The following TCF7L2 variants were observed in gnomAD, a reference collection of about 807,000 sequenced individuals.
The protein encoded by TCF7L2 is transcription factor 7-like 2.
A neutral mutation model predicts 77.9 loss-of-function variants in TCF7L2; 23 were observed. The observed-to-expected ratio is 0.30, with a 90% CI of 0.21 to 0.42. TCF7L2 has a LOEUF of 0.42. Ranked by LOEUF, TCF7L2 falls within the 10% of genes least tolerant of loss-of-function variation. The pLI is 1.00. For synonymous variants in TCF7L2, 413 were observed against 340.2 expected, an observed-to-expected ratio of 1.21 and a Z score of -2.36; for missense variants, 654 against 793.1, an observed-to-expected ratio of 0.82 and a Z score of 2.11.
rs9663295 is a variant in TCF7L2, at chr10:113,144,100, C to G, written c.788+75C>G. 3,913 of 652,860 alleles carry G rather than the reference C, an allele frequency of 6.0e-3. 70 individuals carry two copies. Among genetic ancestry groups the G allele is most frequent in the African/African-American group, 0.035 (1,776 of 50,392 alleles). 40.4% of individuals were successfully genotyped at this position (652,860 alleles called of 1,614,324 possible). On this transcript the variant is annotated intron_variant, in intron 7 of 13. Transcript: ENST00000627217. ...TTTATTATTTATTCTGTGTGTGTGT[C>G]TGTGTGTGTGTGTGTGTGTGTGTGT...
chr10:113,160,530 A>T, intron 12 of TCF7L2: 1 of 1,214,276 alleles, frequency 8.2e-7, no homozygotes, highest in Non-Finnish European at 1.1e-6. Context: ...GTGATAGAGA[A>T]GAAAAGGAAG....
At chr10:112,979,155 G>A (rs1016029078) in intron 4 of TCF7L2, among the ~76,000 whole-genome samples, 20 of 152,018 alleles carry the variant, frequency 1.3e-4, no homozygotes, top group African/African-American at 4.4e-4. Context: ...TGGAGACTTC[G>A]CCTGTTGAAA....
intron 4 of TCF7L2, among the ~76,000 whole-genome samples, chr10:112,971,166 A>C (rs2038158997): frequency 6.6e-6 from 1 of 152,230 alleles, no homozygotes; most frequent in South Asian, 2.1e-4. Context: ...CCTTGCTCTC[A>C]CCAAGCTTAA....
chr10:113,141,040 G>A, intron 5 of TCF7L2, 144 bp from the exon 6 acceptor site: 3 of 919,092 alleles, frequency 3.3e-6, no homozygotes, highest in Non-Finnish European at 5.0e-6. Flanking sequence ...GGACTGGGGG[G>A]AGTATGGGAT....
chr10:113,039,587 A>T (rs1192076502), intron 4 of TCF7L2, among the ~76,000 whole-genome samples: 1 of 152,112 alleles, frequency 6.6e-6, no homozygotes, highest in African/African-American at 2.4e-5. Context: ...TGAAAAACGG[A>T]GGTTGAAAAG....
chr10:113,079,457 C>A (rs2059089420), intron 5 of TCF7L2, among the ~76,000 whole-genome samples: 1 of 152,128 alleles, frequency 6.6e-6, no homozygotes. Flanking sequence ...CCCTTAAGTA[C>A]TTTCAGAAGA....
Position 113,062,075 on chromosome 10 carries a change from G to A in TCF7L2, c.552+21949G>A, listed in dbSNP as rs1000594381. On this transcript the variant is annotated intron_variant, in intron 5 of 13. Coordinates refer to ENST00000627217, the MANE Select transcript of TCF7L2 (RefSeq NM_001146274.2). ...GAGGGTGTAGAGAGCAAAAGTGTGA[G>A]TTGTACACCATGACTGGAATCGCTT... is the stretch of plus-strand genomic sequence containing the variant. 2.6e-5 allele frequency among the ~76,000 whole-genome samples: 4 copies of A among 152,292 alleles called. No homozygotes were observed. In the East Asian group the frequency reaches 7.7e-4, roughly 29 times the overall value.
At chr10:113,014,972 G>A (rs1466601201) in intron 4 of TCF7L2, among the ~76,000 whole-genome samples, 2 of 152,074 alleles carry the variant, frequency 1.3e-5, no homozygotes, top group Non-Finnish European at 2.9e-5. Flanking sequence ...TGGTCACTTA[G>A]GCCAGGAGTT....
intron 7 of TCF7L2, among the ~76,000 whole-genome samples, chr10:113,145,471 C>T (rs1050032999): frequency 6.6e-6 from 1 of 152,094 alleles, no homozygotes; most frequent in African/African-American, 2.4e-5. Context: ...TGGTTACCCA[C>T]AATTCTTCTT....
At chr10:113,135,282 C>A (rs558373075) in intron 5 of TCF7L2, among the ~76,000 whole-genome samples, 1 of 152,108 alleles carries the variant, frequency 6.6e-6, no homozygotes, top group Non-Finnish European at 1.5e-5. Flanking sequence ...GCCACAGGGG[C>A]GCCTCCCCCT....
At chr10:112,951,659 C>T (rs1294978478) in intron 3 of TCF7L2, 52 bp downstream of exon 3, 1 of 1,044,960 alleles carries the variant, frequency 9.6e-7, no homozygotes, top group Non-Finnish European at 1.2e-6. Flanking sequence ...CCCGCGCCGC[C>T]CGCCGGGCCC....
chr10:112,951,330 C>T, intron 2 of TCF7L2, 57 bp downstream of exon 2: 2 of 991,418 alleles, frequency 2.0e-6, no homozygotes, highest in Non-Finnish European at 2.4e-6. Context: ...GGCCGGCCGC[C>T]CCGCGCGCCC....
chr10:112,968,768 A>G (rs1051000891), intron 4 of TCF7L2, among the ~76,000 whole-genome samples: 1 of 151,940 alleles, frequency 6.6e-6, no homozygotes, highest in Non-Finnish European at 1.5e-5. Flanking sequence ...TTTAGTAGAG[A>G]TGGGGTTTCA....
At chr10:112,954,268 TTTTGCTACA>T (rs1483776569) in intron 3 of TCF7L2, among the ~76,000 whole-genome samples, 1 of 152,214 alleles carries the variant, frequency 6.6e-6, no homozygotes, top group African/African-American at 2.4e-5. Context: ...TGGCGGTGAT[TTTTGCTACA>T]TTTTCTGTTA....
At chr10:113,129,457 T>C in intron 5 of TCF7L2, 1 of 1,013,900 alleles carries the variant, frequency 9.9e-7, no homozygotes, top group East Asian at 1.1e-4. Flanking sequence ...ACGGATTCTG[T>C]AGTGGCAAAG....
chr10:113,089,640 C>T lies in TCF7L2; in HGVS notation c.552+49514C>T, dbSNP rs4917644. 0.15 allele frequency: 206,031 copies of T among 1,419,536 alleles called. 16,341 individuals are homozygous for T. Among genetic ancestry groups the T allele is most frequent in the Middle Eastern group, 0.17 (754 of 4,362 alleles). 87.9% of individuals were successfully genotyped at this position (1,419,536 alleles called of 1,614,324 possible). A position where few individuals can be genotyped will look rare whatever the true frequency, so the allele number is the denominator to read the frequency against. On this transcript the variant is annotated intron_variant, in intron 5 of 13. Transcript: ENST00000627217. The stretch of plus-strand genomic sequence containing the variant: ...TCTCTAGGGCAGGGCCCATCCACTG[C>T]GATCCCTGAATTCTTGTTGGGTCAC...
At chr10:112,971,928 C>CT (rs2038349322) in intron 4 of TCF7L2, among the ~76,000 whole-genome samples, 1 of 125,008 alleles carries the variant, frequency 8.0e-6, no homozygotes, top group African/African-American at 4.3e-5. Context: ...TTTTTTCTTT[C>CT]CTTTTTTTTT....
chr10:113,021,391 C>T (rs2133871730), intron 4 of TCF7L2, among the ~76,000 whole-genome samples: 1 of 152,302 alleles, frequency 6.6e-6, no homozygotes, highest in East Asian at 1.9e-4. Context: ...TAACATACTG[C>T]ATTGTTGGAT....
At chr10:112,990,759 C>T (rs1422258398) in intron 4 of TCF7L2, among the ~76,000 whole-genome samples, 1 of 152,118 alleles carries the variant, frequency 6.6e-6, no homozygotes, top group Non-Finnish European at 1.5e-5. Flanking sequence ...AGCCAAGCTG[C>T]TTATAGGTCT....
Sources: allele counts gnomAD v4.1 joint callset (sites outside exome capture counted in the v4.1 genomes callset), GRCh38; gene constraint gnomAD v4.1.1; transcripts MANE v1.5; gene names NCBI Gene and HGNC (gene_info 2026-07-23, HGNC 2026-07-21).